Variants in GLB1 observed in about 807,000 individuals in gnomAD.
GLB1 encodes the protein galactosidase beta 1.
Under a neutral mutation model 74.0 loss-of-function variants are expected in GLB1, and 56 were observed. That is an observed-to-expected ratio of 0.76 (90% CI 0.61 to 0.94). The LOEUF (loss-of-function observed/expected upper bound fraction) is 0.94, where lower values mean the gene tolerates loss of function less well. Ranked by LOEUF, GLB1 falls within the 40% of genes least tolerant of loss-of-function variation. GLB1 has a pLI of 0.00. For synonymous variants in GLB1, 323 were observed against 323.6 expected, an observed-to-expected ratio of 1.00 and a Z score of 0.02; for missense variants, 787 against 845.5, an observed-to-expected ratio of 0.93 and a Z score of 0.86.
intron 10 of GLB1, among the ~76,000 whole-genome samples, chr3:33,044,308 A>T (rs982419743): frequency 6.6e-6 from 1 of 152,204 alleles, no homozygotes; most frequent in Non-Finnish European, 1.5e-5. Flanking sequence ...TAAAAAACAC[A>T]TATCAATGGT....
intron 1 of GLB1, chr3:33,077,257 T>A: frequency 6.4e-7 from 1 of 1,568,610 alleles, no homozygotes; most frequent in South Asian, 1.1e-5. Flanking sequence ...AAGATCATAT[T>A]AATTTGAAGG....
chr3:33,025,204 CAA>C (rs1317199394), intron 10 of GLB1, among the ~76,000 whole-genome samples: 3 of 152,220 alleles, frequency 2.0e-5, no homozygotes, highest in Non-Finnish European at 2.9e-5. Flanking sequence ...CTCAGCCTCC[CAA>C]AGTGCTCGGA....
the GLB1 span, among the ~76,000 whole-genome samples, chr3:32,984,941 C>CAAA: frequency 1.6e-5 from 2 of 127,580 alleles, no homozygotes; most frequent in African/African-American, 5.8e-5. Context: ...GACTCTGTCT[C>CAAA]AAAAAAAAAA....
intron 15 of GLB1, among the ~76,000 whole-genome samples, chr3:32,999,798 G>A (rs1480743483): frequency 6.6e-6 from 1 of 152,132 alleles, no homozygotes; most frequent in African/African-American, 2.4e-5. Context: ...ATACAGGCGT[G>A]CACCACCATG....
intron 9 of GLB1, among the ~76,000 whole-genome samples, chr3:33,051,019 G>A (rs1331160254): frequency 6.6e-6 from 1 of 151,676 alleles, no homozygotes; most frequent in Non-Finnish European, 1.5e-5. Flanking sequence ...ACGAGGTCAG[G>A]AGATCGAGAC....
At chr3:33,035,229 C>T (rs1470312721) in intron 10 of GLB1, among the ~76,000 whole-genome samples, 2 of 151,848 alleles carry the variant, frequency 1.3e-5, no homozygotes, top group African/African-American at 4.8e-5. Flanking sequence ...GTCAGGAGTT[C>T]GAGAGCAGCC....
At chr3:33,079,032 A>G (rs1700229816) in intron 1 of GLB1, among the ~76,000 whole-genome samples, 2 of 152,180 alleles carry the variant, frequency 1.3e-5, no homozygotes. Flanking sequence ...TGGTATTTGT[A>G]ATAATGTAAA....
chr3:33,064,708 C>A (rs1699596652), intron 5 of GLB1, among the ~76,000 whole-genome samples: 2 of 130,052 alleles, frequency 1.5e-5, no homozygotes, highest in African/African-American at 5.9e-5. Flanking sequence ...ACTCAGAAGG[C>A]AGAGGTTGCA....
chr3:33,015,865 T>A (rs1227063236), intron 14 of GLB1, among the ~76,000 whole-genome samples: 2 of 152,232 alleles, frequency 1.3e-5, no homozygotes, highest in African/African-American at 2.4e-5. Context: ...GTTCCCTTGA[T>A]AAGGCATTCT....
At chr3:33,038,821 T>C (rs1199926416) in intron 10 of GLB1, among the ~76,000 whole-genome samples, 3 of 152,174 alleles carry the variant, frequency 2.0e-5, no homozygotes, top group African/African-American at 7.2e-5. Flanking sequence ...TAATCCCTGA[T>C]TGCATGAAGA....
intron 15 of GLB1, among the ~76,000 whole-genome samples, chr3:33,009,619 T>C (rs1267089962): frequency 6.6e-6 from 1 of 152,154 alleles, no homozygotes; most frequent in Non-Finnish European, 1.5e-5. Flanking sequence ...AGCCTAAAAT[T>C]CCAAAGGTAT....
chr3:33,074,340 G>GGAAAGAAGGAAA (rs71630563), intron 1 of GLB1, among the ~76,000 whole-genome samples: 1 of 39,128 alleles, frequency 2.6e-5, no homozygotes, highest in African/African-American at 8.6e-5. Flanking sequence ...AAGGAAGGAA[G>GGAAAGAAGGAAA]GAAGGAAGGA....
chr3:33,061,420 C>G (rs1157310281), intron 5 of GLB1, among the ~76,000 whole-genome samples: 1 of 151,896 alleles, frequency 6.6e-6, no homozygotes, highest in African/African-American at 2.4e-5. Flanking sequence ...AACAAACAAA[C>G]AAACAAAAAA....
In GLB1 at chr3:33,074,377, G is replaced by GAAAGAAAAAGAAAGAAAGAAAGAAAGA. The variant is rs1559412898; in HGVS notation, c.76-1665_76-1664insTCTTTCTTTCTTTCTTTCTTTTTCTTT. On this transcript the variant is annotated intron_variant, in intron 1 of 15. Coordinates refer to ENST00000307363, the MANE Select transcript of GLB1 (RefSeq NM_000404.4). ...GGAAGGAAGGAAGGAAGGAAGGAAG[G>GAAAGAAAAAGAAAGAAAGAAAGAAAGA]AAGGAAGGAAGGAAGAAAGAAAGAA... is the stretch of plus-strand genomic sequence containing the variant. Among the ~76,000 whole-genome samples the GAAAGAAAAAGAAAGAAAGAAAGAAAGA allele has an allele frequency of 1.1e-3, 9 of 8,192 alleles. 1 individual carries two copies. Among genetic ancestry groups the GAAAGAAAAAGAAAGAAAGAAAGAAAGA allele is most frequent in the African/African-American group, 1.6e-3 (8 of 4,856 alleles). The allele number at this position is 8,192 out of a possible 152,430, so 5.4% of individuals were successfully genotyped here. A position where few individuals can be genotyped will look rare whatever the true frequency, so the allele number is the denominator to read the frequency against.
intron 1 of GLB1, chr3:33,077,134 C>T (rs1700141073): frequency 7.0e-7 from 1 of 1,431,998 alleles, no homozygotes; most frequent in South Asian, 1.2e-5. Context: ...CCTGTTGCTG[C>T]TTGCGTGCTC....
At chr3:33,019,715 A>G (rs1194737066) in intron 12 of GLB1, among the ~76,000 whole-genome samples, 1 of 152,106 alleles carries the variant, frequency 6.6e-6, no homozygotes, top group African/African-American at 2.4e-5. Context: ...AAAACTAGCT[A>G]AAGTGGTAAG....
chr3:33,068,145 C>T, intron 4 of GLB1, 85 bp downstream of exon 4: 1 of 1,598,492 alleles, frequency 6.3e-7, no homozygotes. Flanking sequence ...CCTCAGCCTC[C>T]CAAAGTGTCA....
chr3:32,988,338 G>T, the GLB1 span, among the ~76,000 whole-genome samples: 1 of 152,160 alleles, frequency 6.6e-6, no homozygotes, highest in Admixed American at 6.6e-5. Context: ...CTAAGAGAAA[G>T]AGGAAGAGTT....
the GLB1 span, among the ~76,000 whole-genome samples, chr3:32,969,553 C>T: frequency 6.6e-6 from 1 of 152,190 alleles, no homozygotes; most frequent in Non-Finnish European, 1.5e-5. Context: ...ACTCCACCTT[C>T]TAAAGAAGAA....
Sources: allele counts gnomAD v4.1 joint callset (sites outside exome capture counted in the v4.1 genomes callset), GRCh38; gene constraint gnomAD v4.1.1; transcripts MANE v1.5; gene names NCBI Gene and HGNC (gene_info 2026-07-23, HGNC 2026-07-21).